The following MROH2B variants were observed in gnomAD, a reference collection of about 807,000 sequenced individuals.
MROH2B encodes maestro heat like repeat family member 2B.
A neutral mutation model predicts 208.6 loss-of-function variants in MROH2B; 177 were observed. That is an observed-to-expected ratio of 0.85 (90% CI 0.75 to 0.96). The LOEUF (loss-of-function observed/expected upper bound fraction) is 0.96, where lower values mean the gene tolerates loss of function less well. MROH2B is among the 40% of genes least tolerant of loss of function. The pLI is 0.00. For missense variants in MROH2B, 2,002 were observed against 1,878.7 expected, an observed-to-expected ratio of 1.07 and a Z score of -1.21; for synonymous variants, 728 against 659.0, an observed-to-expected ratio of 1.10 and a Z score of -1.60.
intron 12 of MROH2B, among the ~76,000 whole-genome samples, chr5:41,051,835 T>C (rs931253877): frequency 6.6e-6 from 1 of 152,232 alleles, no homozygotes; most frequent in African/African-American, 2.4e-5. Context: ...TTCTATATGG[T>C]GTTTTTAAAG....
chr5:41,037,780 A>G (rs1445846667), intron 21 of MROH2B, among the ~76,000 whole-genome samples: 1 of 152,186 alleles, frequency 6.6e-6, no homozygotes, highest in Non-Finnish European at 1.5e-5. Flanking sequence ...AGTTTTAAGC[A>G]TACAGATTTC....
intron 24 of MROH2B, 51 bp from the exon 25 acceptor site, chr5:41,019,069 A>T: frequency 1.9e-6 from 3 of 1,605,802 alleles, no homozygotes; most frequent in Non-Finnish European, 2.6e-6. Context: ...CCATCAGAAC[A>T]TACCCAGTGG....
intron 27 of MROH2B, 146 bp from the exon 28 acceptor site, chr5:41,018,116 C>A (rs1261793101): frequency 2.4e-6 from 3 of 1,228,214 alleles, no homozygotes; most frequent in Non-Finnish European, 2.2e-6. Context: ...TAAAAGATGC[C>A]TATTTTTAAG....
chr5:41,070,447 C>A (rs1743952329), intron 1 of MROH2B, among the ~76,000 whole-genome samples: 1 of 152,098 alleles, frequency 6.6e-6, no homozygotes, highest in Non-Finnish European at 1.5e-5. Context: ...CCACACCAAA[C>A]AACATACTCA....
intron 2 of MROH2B, among the ~76,000 whole-genome samples, chr5:41,068,092 A>G (rs1433694983): frequency 6.6e-6 from 1 of 152,188 alleles, no homozygotes; most frequent in Non-Finnish European, 1.5e-5. Flanking sequence ...TTAGGTGGCT[A>G]TGTGTCCTCT....
intron 37 of MROH2B, 31 bp downstream of exon 37, chr5:41,004,315 G>T: frequency 5.0e-6 from 8 of 1,603,522 alleles, no homozygotes; most frequent in Non-Finnish European, 5.1e-6. Context: ...CTCACTTCTG[G>T]GGAGGGAAGT....
At chr5:41,002,590 TA>T (rs1307565347) in intron 37 of MROH2B, among the ~76,000 whole-genome samples, 5 of 152,372 alleles carry the variant, frequency 3.3e-5, no homozygotes, top group Middle Eastern at 6.8e-3. Context: ...TATACTTATG[TA>T]AAAATGGCAT....
intron 24 of MROH2B, among the ~76,000 whole-genome samples, chr5:41,022,106 A>G (rs906140998): frequency 2.6e-5 from 4 of 152,186 alleles, no homozygotes; most frequent in Non-Finnish European, 5.9e-5. Context: ...GCTCCAGTCT[A>G]CAGCTCCCAG....
At chr5:40,998,738 A>G in intron 40 of MROH2B, 61 bp from the exon 41 acceptor site, 1 of 1,426,000 alleles carries the variant, frequency 7.0e-7, no homozygotes, top group Non-Finnish European at 9.7e-7. Flanking sequence ...CATGAAAAGT[A>G]TAGCAGGTTA....
Position 41,032,737 on chromosome 5 carries a change from T to A in MROH2B, c.2441+5A>T, listed in dbSNP as rs1338712418. ...TTTCAATGAAAACAACTAAAAATTA[T>A]CTACCTGAGATACCTAATGGCGATT... is the stretch of plus-strand genomic sequence containing the variant. On this transcript the variant is annotated splice_donor_5th_base_variant and intron_variant, in intron 24 of 41. Transcript: ENST00000399564. 6.2e-7 allele frequency: 1 copy of A among 1,610,094 alleles called. No homozygotes were observed. The highest frequency in any genetic ancestry group is 8.5e-7 in the Non-Finnish European group (1 of 1,177,424).
chr5:41,031,778 T>A (rs1372568752), intron 24 of MROH2B, among the ~76,000 whole-genome samples: 1 of 152,060 alleles, frequency 6.6e-6, no homozygotes, highest in Non-Finnish European at 1.5e-5. Context: ...TATTGTTTCC[T>A]TATTTGTGTC....
intron 26 of MROH2B, 124 bp downstream of exon 26, chr5:41,018,567 A>G (rs1008565382): frequency 1.4e-6 from 2 of 1,403,030 alleles, no homozygotes; most frequent in African/African-American, 1.4e-5. Context: ...AGATGGCTGT[A>G]TGTGGGGTGT....
chr5:41,005,337 G>T (rs1012379282), intron 35 of MROH2B, 194 bp downstream of exon 35: 15 of 563,002 alleles, frequency 2.7e-5, no homozygotes, highest in Middle Eastern at 4.6e-4. Context: ...GGAGGTGGGT[G>T]AGGTGGTTTA....
At chr5:41,032,452 GATCTAGAAAGAAGA>G (rs1187662933) in intron 24 of MROH2B, among the ~76,000 whole-genome samples, 4 of 152,086 alleles carry the variant, frequency 2.6e-5, no homozygotes, top group Middle Eastern at 3.2e-3. Flanking sequence ...TGGAGGCCAA[GATCTAGAAAGAAGA>G]ATTTCCTTTT....
chr5:41,024,680 C>A (rs1399968844), intron 24 of MROH2B, among the ~76,000 whole-genome samples: 1 of 152,192 alleles, frequency 6.6e-6, no homozygotes, highest in Non-Finnish European at 1.5e-5. Flanking sequence ...CTGCACCAAG[C>A]AGACCTAGTA....
intron 36 of MROH2B, 21 bp downstream of exon 36, chr5:41,004,753 T>TC (rs754247382): frequency 6.2e-7 from 1 of 1,605,418 alleles, no homozygotes. Context: ...ATGAACCATT[T>TC]CCCCTTAAAA....
chr5:41,018,511 C>T, intron 26 of MROH2B, 81 bp from the exon 27 acceptor site: 5 of 1,511,082 alleles, frequency 3.3e-6, no homozygotes, highest in Non-Finnish European at 3.6e-6. Flanking sequence ...CTGTCTCTGC[C>T]TCTTTTGTAA....
Position 41,000,847 on chromosome 5 carries a change from T to C in MROH2B, c.4195-14A>G, listed in dbSNP as rs749055455. The stretch of plus-strand genomic sequence containing the variant: ...ATCATCCTGCTCCTGTGGTGACGAA[T>C]GCATGTCGTGGTGAATATCCTCTCA... On this transcript the variant is annotated splice_polypyrimidine_tract_variant and intron_variant, in intron 37 of 41. Coordinates refer to ENST00000399564, the MANE Select transcript of MROH2B (RefSeq NM_173489.5). 35 of 1,603,560 alleles carry C rather than the reference T, an allele frequency of 2.2e-5. No homozygotes were observed. The highest frequency in any genetic ancestry group is 1.7e-6 in the Non-Finnish European group (2 of 1,175,440).
At chr5:41,000,854 C>G in intron 37 of MROH2B, 21 bp from the exon 38 acceptor site, 1 of 1,599,716 alleles carries the variant, frequency 6.3e-7, no homozygotes, top group Non-Finnish European at 8.5e-7. Context: ...GAATGCATGT[C>G]GTGGTGAATA....
Sources: gnomAD v4.1 joint callset for allele counts (sites outside exome capture counted in the v4.1 genomes callset) on GRCh38, gnomAD v4.1.1 for gene constraint, MANE v1.5 for transcripts, NCBI Gene and HGNC (gene_info 2026-07-23, HGNC 2026-07-21) for gene names.